DRC11: variants seen among roughly 807,000 people sequenced by gnomAD.
DRC11 encodes the protein IQ and AAA domain-containing protein 1.
chr2:236,417,366 C>T, the DRC11 span, among the ~76,000 whole-genome samples: 2 of 152,102 alleles, frequency 1.3e-5, no homozygotes, highest in Non-Finnish European at 2.9e-5. Context: ...GCCAGACCCT[C>T]GGAGCTGCTC....
chr2:236,340,102 C>A, the DRC11 span, among the ~76,000 whole-genome samples: 4 of 152,192 alleles, frequency 2.6e-5, no homozygotes, highest in Non-Finnish European at 5.9e-5. Context: ...AAAAGTCTTG[C>A]ACTTCTTGTG....
the DRC11 span, among the ~76,000 whole-genome samples, chr2:236,483,453 T>G: frequency 6.6e-6 from 1 of 152,198 alleles, no homozygotes; most frequent in Non-Finnish European, 1.5e-5. The surrounding 1 kb of genome is among the most constrained non-coding windows in gnomAD (Gnocchi z 4.8). Flanking sequence ...AATCAAGATA[T>G]TTTTGAAATC....
At chr2:236,344,586 A>G in the DRC11 span, 3 of 1,613,672 alleles carry the variant, frequency 1.9e-6, no homozygotes, top group East Asian at 6.7e-5. Flanking sequence ...ACTTTTTTGT[A>G]GAAGGTTTTT....
the DRC11 span, among the ~76,000 whole-genome samples, chr2:236,312,278 A>T: frequency 6.6e-6 from 1 of 152,212 alleles, no homozygotes. Context: ...AGAGCATTAT[A>T]GTGGCCCAAG....
At chr2:236,470,195 T>C in the DRC11 span, among the ~76,000 whole-genome samples, 55 of 152,286 alleles carry the variant, frequency 3.6e-4, no homozygotes, top group African/African-American at 1.3e-3. This position sits in a 1 kb window ranked among gnomAD's most constrained non-coding sequence, Gnocchi z 5.1. Context: ...AAATGGACAT[T>C]TGTCCAAATG....
the DRC11 span, among the ~76,000 whole-genome samples, chr2:236,315,344 T>A: frequency 6.6e-6 from 1 of 152,072 alleles, no homozygotes; most frequent in Non-Finnish European, 1.5e-5. This position sits in a 1 kb window ranked among gnomAD's most constrained non-coding sequence, Gnocchi z 5.1. Flanking sequence ...ATAAATGTGA[T>A]AAGTGAAACA....
At chr2:236,491,907 A>G in the DRC11 span, among the ~76,000 whole-genome samples, 1 of 152,186 alleles carries the variant, frequency 6.6e-6, no homozygotes, top group Non-Finnish European at 1.5e-5. Flanking sequence ...TCCCCAATGC[A>G]ACAGTGTTGG....
the DRC11 span, among the ~76,000 whole-genome samples, chr2:236,352,981 T>C: frequency 4.6e-5 from 7 of 152,262 alleles, no homozygotes; most frequent in East Asian, 1.2e-3. This position sits in a 1 kb window ranked among gnomAD's most constrained non-coding sequence, Gnocchi z 7.0. Flanking sequence ...AGGGGTTCCA[T>C]CTGTTTACAC....
chr2:236,423,556 T>A, the DRC11 span, among the ~76,000 whole-genome samples: 1 of 152,148 alleles, frequency 6.6e-6, no homozygotes, highest in Admixed American at 6.5e-5. Flanking sequence ...CAACAACAGG[T>A]GCTGGAGAGG....
chr2:236,504,911 T>C, the DRC11 span, among the ~76,000 whole-genome samples: 1 of 152,250 alleles, frequency 6.6e-6, no homozygotes, highest in Admixed American at 6.5e-5. This position sits in a 1 kb window ranked among gnomAD's most constrained non-coding sequence, Gnocchi z 5.0. Context: ...TTCCCAGTCC[T>C]GCAGAACTGT....
At chr2:236,324,456 C>T in the DRC11 span, 1 of 408,516 alleles carries the variant, frequency 2.4e-6, no homozygotes, top group Non-Finnish European at 4.5e-6. This position sits in a 1 kb window ranked among gnomAD's most constrained non-coding sequence, Gnocchi z 5.7. Context: ...TTATGATGAA[C>T]ACCCAGCTAG....
the DRC11 span, among the ~76,000 whole-genome samples, chr2:236,387,278 T>C: frequency 5.5e-3 from 836 of 151,248 alleles, 8 homozygotes; most frequent in African/African-American, 0.019. Flanking sequence ...AAGTCTCCCA[T>C]TATTAATGTG....
chr2:236,405,566 G>A, the DRC11 span, among the ~76,000 whole-genome samples: 2 of 152,026 alleles, frequency 1.3e-5, no homozygotes, highest in African/African-American at 4.8e-5. This position sits in a 1 kb window ranked among gnomAD's most constrained non-coding sequence, Gnocchi z 4.6. Context: ...GCAGACAGTT[G>A]CTTTCTCATC....
At chr2:236,482,860 G>A in the DRC11 span, among the ~76,000 whole-genome samples, 1 of 152,184 alleles carries the variant, frequency 6.6e-6, no homozygotes, top group Non-Finnish European at 1.5e-5. This position sits in a 1 kb window ranked among gnomAD's most constrained non-coding sequence, Gnocchi z 4.5. Flanking sequence ...CAATGTGCGA[G>A]TGAACTTTTT....
chr2:236,406,339 G>A, the DRC11 span, among the ~76,000 whole-genome samples: 1 of 152,178 alleles, frequency 6.6e-6, no homozygotes, highest in East Asian at 1.9e-4. This position sits in a 1 kb window ranked among gnomAD's most constrained non-coding sequence, Gnocchi z 4.7. Context: ...AGGTTTTGTT[G>A]AAAATTTTCT....
the DRC11 span, among the ~76,000 whole-genome samples, chr2:236,435,536 G>A: frequency 6.6e-6 from 1 of 152,344 alleles, no homozygotes; most frequent in East Asian, 1.9e-4. Context: ...CATGGCTGGG[G>A]AGGCATCGGG....
chr2:236,498,170 G>C, the DRC11 span, among the ~76,000 whole-genome samples: 35 of 151,746 alleles, frequency 2.3e-4, no homozygotes, highest in Non-Finnish European at 4.6e-4. Context: ...GTGCAGGCTG[G>C]GCGTGGTGAG....
the DRC11 span, among the ~76,000 whole-genome samples, chr2:236,342,547 G>A: frequency 6.6e-6 from 1 of 152,206 alleles, no homozygotes. The surrounding 1 kb of genome is among the most constrained non-coding windows in gnomAD (Gnocchi z 5.8). Context: ...GGAGACGCAG[G>A]AAGGCAGCAG....
the DRC11 span, among the ~76,000 whole-genome samples, chr2:236,437,977 T>C: frequency 4.3e-5 from 6 of 139,156 alleles, no homozygotes; most frequent in Non-Finnish European, 9.3e-5. Context: ...TTGGCTTTGG[T>C]TGCCATTGCT....
Sources: gnomAD v4.1 joint callset for allele counts (sites outside exome capture counted in the v4.1 genomes callset) on GRCh38, gnomAD v4.1.1 for gene constraint, Gnocchi (gnomAD v3.1) non-coding constraint, MANE v1.5 for transcripts, NCBI Gene and HGNC (gene_info 2026-07-23, HGNC 2026-07-21) for gene names.